Variants in SORL1 observed in about 807,000 individuals in gnomAD.
SORL1 encodes the protein sortilin-related receptor.
A neutral mutation model predicts 273.7 loss-of-function variants in SORL1; 127 were observed. The ratio of observed to expected loss-of-function variants is 0.46; its 90% CI spans 0.40 to 0.54. SORL1 has a LOEUF of 0.54. SORL1 is among the 20% of genes least tolerant of loss of function. The pLI is 0.00. For missense variants in SORL1, 2,494 were observed against 2,846.1 expected (o/e 0.88, Z 2.81); for synonymous variants, 1,031 against 1,067.4 (o/e 0.97, Z 0.66).
chr11:121,529,570 T>C (rs942961939), intron 11 of SORL1, among the ~76,000 whole-genome samples: 6 of 152,232 alleles, frequency 3.9e-5, no homozygotes, highest in Admixed American at 3.3e-4. Context: ...TATGTCTTTA[T>C]ATTTAAAGTG....
Position 121,583,532 on chromosome 11 carries a change from G to C in SORL1, c.3655G>C (p.Asp1219His). Residue 1219 changes from aspartate (D) to histidine (H), a missense_variant, in exon 26 of 48, where the codon GAC becomes CAC. Asp to His is a moderately conservative substitution (Grantham distance 81). This residue lies in a region of SORL1 where 1,609 missense variants were observed against 1,816.4 expected (regional missense o/e 0.89). Transcript: ENST00000260197. Reference protein sequence around the residue: ...GHCIPQRWACDGDTDCQDGSD... With the variant: ...GHCIPQRWACHGDTDCQDGSD... ...CTGCATCCCCCAGCGGTGGGCGTGTGACGGGGATACGGACTGCCAGGATGG... is the reference window on the plus strand; with the variant it reads ...CTGCATCCCCCAGCGGTGGGCGTGTCACGGGGATACGGACTGCCAGGATGG... 6.2e-7 allele frequency: 1 copy of C among 1,612,936 alleles called. No individual in the cohort carries two copies. Among genetic ancestry groups the C allele is most frequent in the Non-Finnish European group, 8.5e-7 (1 of 1,179,514 alleles).
At chr11:121,496,106 G>T (rs879526613) in intron 5 of SORL1, among the ~76,000 whole-genome samples, 7 of 152,182 alleles carry the variant, frequency 4.6e-5, no homozygotes, top group Admixed American at 4.6e-4. Context: ...GCTAGTGTTG[G>T]GAGAAGAGAG....
At chr11:121,535,945 C>T (rs1219591909) in intron 12 of SORL1, among the ~76,000 whole-genome samples, 2 of 152,180 alleles carry the variant, frequency 1.3e-5, no homozygotes, top group South Asian at 2.1e-4. Context: ...TGAACCTGCT[C>T]ACGGGAGGCA....
rs202115147 is a variant in SORL1 at position 121,532,516 on chromosome 11, C to T, written c.1649C>T (p.Thr550Met). 4 of 1,613,986 alleles carry T rather than the reference C, an allele frequency of 2.5e-6. No homozygotes were observed. The highest frequency in any genetic ancestry group is 1.3e-5 in the African/African-American group (1 of 74,898). Residue 550 changes from threonine to methionine, a missense_variant, in exon 12 of 48, where the codon ACG becomes ATG. Thr to Met is a moderately conservative substitution (Grantham distance 81). Coordinates refer to ENST00000260197, the MANE Select transcript of SORL1 (RefSeq NM_003105.6). ...YTWGDHGGII[T>M]AIAQGMETNE... The stretch of plus-strand genomic sequence containing the variant: ...TGGGGAGACCACGGCGGAATCATCA[C>T]GGCCATTGCCCAGGGCATGGAAACC...
intron 22 of SORL1, among the ~76,000 whole-genome samples, chr11:121,568,047 C>T (rs1471591382): frequency 3.9e-5 from 6 of 152,088 alleles, no homozygotes; most frequent in African/African-American, 7.2e-5. Context: ...ACTACAGGCA[C>T]GAGCCCAGCT....
intron 14 of SORL1, among the ~76,000 whole-genome samples, chr11:121,547,413 T>A (rs1169533105): frequency 8.8e-4 from 10 of 11,326 alleles, no homozygotes; most frequent in Middle Eastern, 0.056. Context: ...TCCCCAACCC[T>A]CACCAAAAAA....
chr11:121,556,122 A>G (rs1353830071), intron 18 of SORL1, among the ~76,000 whole-genome samples: 1 of 152,218 alleles, frequency 6.6e-6, no homozygotes, highest in Non-Finnish European at 1.5e-5. Flanking sequence ...CATGCGTTAG[A>G]TGGAGATTCA....
intron 21 of SORL1, among the ~76,000 whole-genome samples, chr11:121,566,338 T>A (rs1246308994): frequency 6.6e-6 from 1 of 152,060 alleles, no homozygotes; most frequent in African/African-American, 2.4e-5. Context: ...AATTGAGAAG[T>A]CCAAAGACAT....
chr11:121,576,869 C>G (rs1297678199), intron 24 of SORL1: 1 of 1,535,592 alleles, frequency 6.5e-7, no homozygotes, highest in South Asian at 1.2e-5. Flanking sequence ...CTCGGCACTC[C>G]TTTTCTCAAA....
intron 38 of SORL1, chr11:121,610,077 A>G (rs1258906466): frequency 6.6e-6 from 1 of 152,262 alleles, no homozygotes; most frequent in East Asian, 1.9e-4. Flanking sequence ...ATGATTGATC[A>G]TCTGGACAGA....
intron 25 of SORL1, among the ~76,000 whole-genome samples, chr11:121,579,837 C>T (rs1862988437): frequency 6.6e-6 from 1 of 152,216 alleles, no homozygotes; most frequent in Non-Finnish European, 1.5e-5. Context: ...GTACATCCTT[C>T]AGGGGTTTTG....
intron 5 of SORL1, among the ~76,000 whole-genome samples, chr11:121,493,761 T>A (rs117935910): frequency 0.021 from 3,157 of 152,336 alleles, 53 homozygotes; most frequent in Middle Eastern, 0.034. Flanking sequence ...CCAGAAGATG[T>A]AGATACTGCC....
At chr11:121,541,595 C>G (rs1430761516) in intron 12 of SORL1, among the ~76,000 whole-genome samples, 1 of 152,058 alleles carries the variant, frequency 6.6e-6, no homozygotes, top group African/African-American at 2.4e-5. Context: ...ATTAGAATCC[C>G]AAAGGTGTAA....
At chr11:121,571,648 G>A (rs770078550) in intron 23 of SORL1, among the ~76,000 whole-genome samples, 24 of 152,212 alleles carry the variant, frequency 1.6e-4, no homozygotes, top group Non-Finnish European at 2.8e-4. Context: ...GCCTGTGCCC[G>A]GCTCCCCTGC....
chr11:121,565,438 T>G (rs1219628502), intron 21 of SORL1, among the ~76,000 whole-genome samples: 2 of 152,204 alleles, frequency 1.3e-5, no homozygotes, highest in Non-Finnish European at 2.9e-5. Flanking sequence ...CTGCGTATAT[T>G]ATCCATATCG....
At chr11:121,586,119 C>A (rs1346393382) in intron 26 of SORL1, 103 bp from the exon 27 acceptor site, 7 of 850,848 alleles carry the variant, frequency 8.2e-6, no homozygotes, top group Non-Finnish European at 1.4e-5. Flanking sequence ...GCCAAATTGC[C>A]CTCCCCAGTG....
In SORL1 at chr11:121,629,795, T is replaced by C; in HGVS notation, c.*232T>C. 1.9e-6 allele frequency: 1 copy of C among 538,312 alleles called. No individual in the cohort carries two copies. The highest frequency in any genetic ancestry group is 2.4e-5 in the South Asian group (1 of 41,588). The allele number at this position is 538,312 out of a possible 1,614,324, so 33.3% of individuals were successfully genotyped here. A position where few individuals can be genotyped will look rare whatever the true frequency, so the allele number is the denominator to read the frequency against. On this transcript the variant is annotated 3_prime_UTR_variant, in exon 48 of 48. Transcript: ENST00000260197. ...GTAACCCAATTGCTTTGATTTGACATTAATGTAGTCTTACAGGGCTGTGCT... is the reference window on the plus strand; with the variant it reads ...GTAACCCAATTGCTTTGATTTGACACTAATGTAGTCTTACAGGGCTGTGCT...
Position 121,496,906 on chromosome 11 carries a change from A to G in SORL1, c.796A>G (p.Ile266Val). 6.2e-7 allele frequency: 1 copy of G among 1,613,584 alleles called. No homozygotes were observed. Among genetic ancestry groups the G allele is most frequent in the Non-Finnish European group, 8.5e-7 (1 of 1,179,886 alleles). Residue 266 changes from isoleucine (I) to valine (V), a missense_variant, in exon 6 of 48, where the codon ATT (isoleucine) becomes GTT (valine). By Grantham distance (29) the Ile-to-Val change is conservative. Around this residue, in one of 3 missense-constraint regions of SORL1, gnomAD observed 710 missense variants for 882.5 expected, o/e 0.80. Coordinates refer to ENST00000260197, the MANE Select transcript of SORL1 (RefSeq NM_003105.6). ...CTATGACAAACCAAATACCATCTACATTGAACGACATGAACCCTCTGGCTA... is the reference window on the plus strand; with the variant it reads ...CTATGACAAACCAAATACCATCTACGTTGAACGACATGAACCCTCTGGCTA... ...DPYDKPNTIYIERHEPSGYST... is the reference protein window; with the variant it reads ...DPYDKPNTIYVERHEPSGYST...
intron 32 of SORL1, among the ~76,000 whole-genome samples, chr11:121,603,924 T>C (rs1274614068): frequency 1.3e-5 from 2 of 152,254 alleles, no homozygotes; most frequent in African/African-American, 4.8e-5. Context: ...GATATTAAGC[T>C]GTTTGCTCAA....
Sources: allele counts gnomAD v4.1 joint callset (sites outside exome capture counted in the v4.1 genomes callset), GRCh38; gene constraint gnomAD v4.1.1; regional missense constraint gnomAD v4.1.1; transcripts MANE v1.5; gene names NCBI Gene and HGNC (gene_info 2026-07-23, HGNC 2026-07-21).